TVP23A: variants seen among roughly 807,000 people sequenced by gnomAD.
TVP23A encodes trans-golgi network vesicle protein 23 homolog A, also known as Golgi apparatus membrane protein TVP23 homolog A.
In TVP23A, 21 loss-of-function variants were observed where a neutral mutation model predicts 31.7. That is an observed-to-expected ratio of 0.66 (90% CI 0.47 to 0.95). The LOEUF is 0.95. TVP23A is among the 40% of genes least tolerant of loss of function. The pLI is 0.00. For synonymous variants in TVP23A, 104 were observed against 96.0 expected (o/e 1.08, Z -0.49); for missense variants, 279 against 255.6 (o/e 1.09, Z -0.62).
At position 10,777,017 on chromosome 16, in the gene TVP23A, T is replaced by C. The variant is rs2032073791; in HGVS notation, c.90-1921A>G. 6.6e-6 allele frequency among the ~76,000 whole-genome samples: 1 copy of C among 152,136 alleles called. No individual in the cohort carries two copies. Among genetic ancestry groups the C allele is most frequent in the Non-Finnish European group, 1.5e-5 (1 of 68,028 alleles). ...CCTGTATCCTGTGCGACCTCCTATC[T>C]CATCCTGTGACTTAGAATGCCTTAA... On this transcript the variant is annotated intron_variant, in intron 2 of 7. Transcript: ENST00000299866. This position sits in a 1 kb window ranked among gnomAD's most constrained non-coding sequence, Gnocchi z 4.5.
chr16:10,818,575 G>T lies in TVP23A; in HGVS notation c.-82C>A. 1 of 1,529,944 alleles carries T rather than the reference G, an allele frequency of 6.5e-7. No individual in the cohort carries two copies. Among genetic ancestry groups the T allele is most frequent in the South Asian group, 1.2e-5 (1 of 83,264 alleles). 94.8% of individuals were successfully genotyped at this position (1,529,944 alleles called of 1,614,324 possible). ...CCGCTGAAGGGGTCGGACGCCGGGC[G>T]GGCGGATGTAGGCAGCAGACGGTGG... On this transcript the variant is annotated 5_prime_UTR_variant, in exon 1 of 8. Coordinates refer to ENST00000299866, the MANE Select transcript of TVP23A (RefSeq NM_001079512.4). This position sits in a 1 kb window ranked among gnomAD's most constrained non-coding sequence, Gnocchi z 4.7.
intron 2 of TVP23A, among the ~76,000 whole-genome samples, chr16:10,775,729 G>A (rs975784541): frequency 6.7e-6 from 1 of 149,084 alleles, no homozygotes; most frequent in East Asian, 2.0e-4. Context: ...TGCTCATCCT[G>A]TGTAAATTGC....
At chr16:10,775,371 G>A (rs975584971) in intron 2 of TVP23A, 60 of 1,229,564 alleles carry the variant, frequency 4.9e-5, no homozygotes, top group Middle Eastern at 3.3e-4. Context: ...TGCCCTCTTC[G>A]AAACACGGTC....
At position 10,768,103 on chromosome 16, in the gene TVP23A, T is replaced by C; in HGVS notation, c.*999A>G. 1 of 1,455,046 alleles carries C rather than the reference T, an allele frequency of 6.9e-7. No homozygotes were observed. The highest frequency in any genetic ancestry group is 1.1e-5 in the South Asian group (1 of 87,848). 90.1% of individuals were successfully genotyped at this position (1,455,046 alleles called of 1,614,324 possible). A position where few individuals can be genotyped will look rare whatever the true frequency, so the allele number is the denominator to read the frequency against. ...AAGCAACATAAAGGAGCCAGGGGTG[T>C]GGAAGGACAGGTGGGTGGTGGGGTC... On this transcript the variant is annotated 3_prime_UTR_variant, in exon 8 of 8. Coordinates refer to ENST00000299866, the MANE Select transcript of TVP23A (RefSeq NM_001079512.4). The surrounding 1 kb of genome is among the most constrained non-coding windows in gnomAD (Gnocchi z 4.3).
At position 10,779,966 on chromosome 16, in the gene TVP23A, T is replaced by A. The variant is rs2032319345; in HGVS notation, c.90-4870A>T. ...TAGCGGGTGTGGTGGTGCACGCCTA[T>A]AATTCCAGCTACTCGGGAGGCTGAG... On this transcript the variant is annotated intron_variant, in intron 2 of 7. Coordinates refer to ENST00000299866, the MANE Select transcript of TVP23A (RefSeq NM_001079512.4). This position sits in a 1 kb window ranked among gnomAD's most constrained non-coding sequence, Gnocchi z 4.9. Among the ~76,000 whole-genome samples, 2 of 152,036 alleles carry A rather than the reference T, an allele frequency of 1.3e-5. No homozygotes were observed. Among genetic ancestry groups the A allele is most frequent in the South Asian group, 4.2e-4 (2 of 4,816 alleles).
chr16:10,771,602 C>T, intron 6 of TVP23A, 68 bp downstream of exon 6: 1 of 1,594,170 alleles, frequency 6.3e-7, no homozygotes, highest in South Asian at 1.1e-5. Flanking sequence ...ACCGCAGTTG[C>T]CAGCAGGCCA....
rs551569667 is a variant in TVP23A, at chr16:10,812,066, T to A, written c.89+6037A>T. On this transcript the variant is annotated intron_variant, in intron 2 of 7. Coordinates refer to ENST00000299866, the MANE Select transcript of TVP23A (RefSeq NM_001079512.4). ...AAAGACCTCAACAACAAAAATCCGA[T>A]AACTGATTAAAAAAAACGGGCAAGA... 7.9e-5 allele frequency among the ~76,000 whole-genome samples: 12 copies of A among 151,540 alleles called. No homozygotes were observed. The South Asian group carries it at 2.1e-3, about 26-fold the overall frequency.
chr16:10,774,791 AGT>A (rs2031885800), intron 3 of TVP23A, among the ~76,000 whole-genome samples, 159 bp downstream of exon 3: 1 of 151,978 alleles, frequency 6.6e-6, no homozygotes, highest in Non-Finnish European at 1.5e-5. Context: ...TTGTATTTTT[AGT>A]AGAGACGGGG....
chr16:10,772,288 C>G (rs11648243), intron 5 of TVP23A, among the ~76,000 whole-genome samples: 2 of 152,042 alleles, frequency 1.3e-5, no homozygotes, highest in Admixed American at 1.3e-4. Flanking sequence ...GGAGCGTGGT[C>G]GAGCCGGGAT....
chr16:10,769,602 G>T (rs1729063), intron 7 of TVP23A: 4 of 157,732 alleles, frequency 2.5e-5, no homozygotes, highest in East Asian at 1.9e-4. Context: ...ACAGAGCTCA[G>T]GCTGGGCTTC....
At chr16:10,802,191 C>A (rs2033726797) in intron 2 of TVP23A, among the ~76,000 whole-genome samples, 1 of 149,986 alleles carries the variant, frequency 6.7e-6, no homozygotes, top group African/African-American at 2.5e-5. Context: ...AACAATGGGA[C>A]AATTTGAGTA....
chr16:10,793,343 A>AG lies in TVP23A; in HGVS notation c.90-18248_90-18247insC, dbSNP rs554615027. On this transcript the variant is annotated intron_variant, in intron 2 of 7. Coordinates refer to ENST00000299866, the MANE Select transcript of TVP23A (RefSeq NM_001079512.4). ...GAGTCTGGGTATGCTCAGCATCAAA[A>AG]TGAAAGTGTGAGCCCCAGGGACAAG... is the stretch of plus-strand genomic sequence containing the variant. Among the ~76,000 whole-genome samples the AG allele has an allele frequency of 2.7e-3, 409 of 152,256 alleles. 2 individuals are homozygous for AG. The highest frequency in any genetic ancestry group is 9.3e-3 in the African/African-American group (385 of 41,540).
At position 10,768,252 on chromosome 16, in the gene TVP23A, C is replaced by T. The variant is rs973875385; in HGVS notation, c.*850G>A. On this transcript the variant is annotated 3_prime_UTR_variant, in exon 8 of 8. Transcript: ENST00000299866. The surrounding 1 kb of genome is among the most constrained non-coding windows in gnomAD (Gnocchi z 4.3). Reference sequence around the variant, plus strand: ...AACATGGTGAGGGTGAAATTTATGGCTTAGGAAATACATCCCAATAAAGGG... The same window carrying T: ...AACATGGTGAGGGTGAAATTTATGGTTTAGGAAATACATCCCAATAAAGGG... 10 of 392,606 alleles carry T rather than the reference C, an allele frequency of 2.5e-5. No individual in the cohort carries two copies. The highest frequency in any genetic ancestry group is 3.2e-5 in the Non-Finnish European group (7 of 218,582). The allele number at this position is 392,606 out of a possible 1,614,324, so 24.3% of individuals were successfully genotyped here.
At chr16:10,802,757 T>G (rs772525957) in intron 2 of TVP23A, among the ~76,000 whole-genome samples, 23 of 152,230 alleles carry the variant, frequency 1.5e-4, no homozygotes, top group Non-Finnish European at 2.9e-4. Context: ...CATATTTATT[T>G]TATTTGCAGT....
intron 2 of TVP23A, among the ~76,000 whole-genome samples, chr16:10,816,374 C>T (rs998610103): frequency 6.6e-6 from 1 of 151,662 alleles, no homozygotes; most frequent in African/African-American, 2.4e-5. Flanking sequence ...CACTCTGTCG[C>T]CCAGACTGGA....
intron 2 of TVP23A, among the ~76,000 whole-genome samples, chr16:10,808,946 T>C (rs1736205983): frequency 6.6e-6 from 1 of 152,228 alleles, no homozygotes; most frequent in Non-Finnish European, 1.5e-5. Context: ...TCGGAGGAAT[T>C]CTGTGAAAAC....
chr16:10,762,045 C>T (rs528385222), downstream of TVP23A: 251 of 536,622 alleles, frequency 4.7e-4, 1 homozygote, highest in Middle Eastern at 3.5e-3. Flanking sequence ...GAGACCCCTG[C>T]GGGCAGGTAG....
chr16:10,804,873 A>T (rs1000245063), intron 2 of TVP23A, among the ~76,000 whole-genome samples: 9 of 152,186 alleles, frequency 5.9e-5, no homozygotes, highest in African/African-American at 1.7e-4. Flanking sequence ...AACAATTCAT[A>T]CTGTTGTCCC....
downstream of TVP23A, chr16:10,761,897 G>A (rs780554079): frequency 1.5e-5 from 23 of 1,524,858 alleles, no homozygotes; most frequent in Admixed American, 5.1e-5. Context: ...CTCACTCCTC[G>A]GTCAGCCCCA....
Sources: allele counts gnomAD v4.1 joint callset (sites outside exome capture counted in the v4.1 genomes callset), GRCh38; gene constraint gnomAD v4.1.1; non-coding constraint Gnocchi (gnomAD v3.1); transcripts MANE v1.5; gene names NCBI Gene and HGNC (gene_info 2026-07-23, HGNC 2026-07-21).